The following PCDHA12 variants were observed in gnomAD, a reference collection of about 807,000 sequenced individuals.
PCDHA12 encodes the protein protocadherin alpha 12, also known as protocadherin alpha-12.
Under a neutral mutation model 60.0 loss-of-function variants are expected in PCDHA12, and 44 were observed. The ratio of observed to expected loss-of-function variants is 0.73; its 90% confidence interval spans 0.58 to 0.94. PCDHA12 has a LOEUF of 0.94. Ranked by LOEUF, PCDHA12 falls within the 40% of genes least tolerant of loss-of-function variation. The pLI is 0.00. For synonymous variants in PCDHA12, 569 were observed against 553.0 expected, an observed-to-expected ratio of 1.03 and a Z score of -0.40; for missense variants, 1,276 against 1,239.7, an observed-to-expected ratio of 1.03 and a Z score of -0.44.
chr5:140,967,908 A>G (rs554849478), intron 1 of PCDHA12: 5 of 1,614,138 alleles, frequency 3.1e-6, no homozygotes, highest in East Asian at 2.2e-5. Flanking sequence ...GCTACACCCA[A>G]CACCATTGTG....
At chr5:140,891,025 T>G (rs1554184622) in intron 1 of PCDHA12, among the ~76,000 whole-genome samples, 1 of 151,814 alleles carries the variant, frequency 6.6e-6, no homozygotes, top group African/African-American at 2.4e-5. Flanking sequence ...TCTGAGGGTA[T>G]AATCTTAGGT....
chr5:140,928,276 GC>G, intron 1 of PCDHA12: 1 of 1,614,172 alleles, frequency 6.2e-7, no homozygotes. Flanking sequence ...TGGCCCTGGG[GC>G]CTCTCTAGGC....
At chr5:140,988,963 G>A (rs1273293184) in intron 3 of PCDHA12, 2 of 152,140 alleles carry the variant, frequency 1.3e-5, no homozygotes, top group African/African-American at 4.8e-5. Flanking sequence ...CAAGCCCCAC[G>A]ATGGAGAGAA....
At chr5:140,968,540 G>A (rs1554230842) in intron 1 of PCDHA12, 8 of 1,614,064 alleles carry the variant, frequency 5.0e-6, no homozygotes, top group Non-Finnish European at 1.7e-6. Context: ...AGCAGCCTTC[G>A]AGATGGTGCC....
At chr5:140,940,965 A>G (rs2092710706) in intron 1 of PCDHA12, among the ~76,000 whole-genome samples, 1 of 152,226 alleles carries the variant, frequency 6.6e-6, no homozygotes, top group Admixed American at 6.5e-5. Context: ...AATATGCAGG[A>G]TATCTGGTAT....
chr5:140,900,882 A>G (rs1453854297), intron 1 of PCDHA12, among the ~76,000 whole-genome samples: 1 of 152,044 alleles, frequency 6.6e-6, no homozygotes, highest in African/African-American at 2.4e-5. Flanking sequence ...ATTGCCTGTC[A>G]TTTGGATAAA....
intron 3 of PCDHA12, among the ~76,000 whole-genome samples, chr5:140,999,132 T>TC (rs2153955890): frequency 6.6e-6 from 1 of 152,278 alleles, no homozygotes; most frequent in African/African-American, 2.4e-5. Context: ...CTGGAAAATG[T>TC]CACAGCCGGA....
At chr5:140,939,603 CAG>C (rs2092419919) in intron 1 of PCDHA12, among the ~76,000 whole-genome samples, 2 of 152,068 alleles carry the variant, frequency 1.3e-5, no homozygotes, top group Non-Finnish European at 2.9e-5. Flanking sequence ...TGCTCAAAAA[CAG>C]AACAAGGAGA....
rs1554178111 is a variant in PCDHA12 at position 140,883,417 on chromosome 5, A to G, written c.2367+5578A>G. On this transcript the variant is annotated intron_variant, in intron 1 of 3. Transcript: ENST00000398631. Reference sequence around the variant, plus strand: ...CCGATCGTGACTCTGGCTCAAATGGACAGGTCACCTGCACCTTGACGCCGC... The same window carrying G: ...CCGATCGTGACTCTGGCTCAAATGGGCAGGTCACCTGCACCTTGACGCCGC... 3.1e-6 allele frequency: 5 copies of G among 1,614,146 alleles called. No homozygotes were observed. The South Asian group carries it at 5.5e-5, about 18-fold the overall frequency.
chr5:141,011,852 A>T lies in PCDHA12; in HGVS notation c.*1915A>T, dbSNP rs1288551420. 1 of 153,718 alleles carries T rather than the reference A, an allele frequency of 6.5e-6. No individual in the cohort carries two copies. The highest frequency in any genetic ancestry group is 1.5e-5 in the Non-Finnish European group (1 of 68,038). 9.5% of individuals were successfully genotyped at this position (153,718 alleles called of 1,614,324 possible). A position where few individuals can be genotyped will look rare whatever the true frequency, so the allele number is the denominator to read the frequency against. ...CTGTCACCTTAAATAAGACATTTTA[A>T]TTTTGTTATAATGTACAATTTAGAA... On this transcript the variant is annotated 3_prime_UTR_variant, in exon 4 of 4. Transcript: ENST00000398631.
intron 1 of PCDHA12, among the ~76,000 whole-genome samples, chr5:140,946,434 T>C (rs1554217579): frequency 2.0e-5 from 3 of 151,312 alleles, no homozygotes; most frequent in South Asian, 2.1e-4. Context: ...TACTCAAAAA[T>C]TGAGACTAAA....
chr5:140,976,453 G>A (rs1554237653), intron 1 of PCDHA12, among the ~76,000 whole-genome samples: 1 of 152,032 alleles, frequency 6.6e-6, no homozygotes, highest in Admixed American at 6.6e-5. Flanking sequence ...AGGGAGGCTG[G>A]GGAAGAAGAA....
chr5:140,910,387 T>G (rs540534807), intron 1 of PCDHA12, among the ~76,000 whole-genome samples: 3 of 152,276 alleles, frequency 2.0e-5, no homozygotes, highest in Admixed American at 6.5e-5. Context: ...CCTTTGACAG[T>G]TGACTGGCCC....
intron 3 of PCDHA12, among the ~76,000 whole-genome samples, chr5:141,000,409 ATATATATATATATTT>A (rs2097918498): frequency 1.1e-5 from 1 of 94,040 alleles, no homozygotes; most frequent in East Asian, 3.1e-4. Flanking sequence ...ATATATATAT[ATATATATATATATTT>A]TTTTTTTTTT....
At chr5:141,005,956 A>G (rs1272905916) in intron 3 of PCDHA12, among the ~76,000 whole-genome samples, 2 of 152,020 alleles carry the variant, frequency 1.3e-5, no homozygotes, top group Admixed American at 1.3e-4. Flanking sequence ...CTAACAAACA[A>G]CAATAAAAAA....
At chr5:140,887,376 G>A (rs1169212781) in intron 1 of PCDHA12, among the ~76,000 whole-genome samples, 1 of 152,158 alleles carries the variant, frequency 6.6e-6, no homozygotes, top group Non-Finnish European at 1.5e-5. Context: ...GATTACAGGT[G>A]TGAGCCACCG....
chr5:140,962,619 T>C (rs1405135656), intron 1 of PCDHA12, among the ~76,000 whole-genome samples: 1 of 152,212 alleles, frequency 6.6e-6, no homozygotes, highest in East Asian at 1.9e-4. Context: ...GGAAGGGAGA[T>C]GTGAAAAAAT....
chr5:140,933,586 T>A (rs1474110331), intron 1 of PCDHA12, among the ~76,000 whole-genome samples: 1 of 152,108 alleles, frequency 6.6e-6, no homozygotes, highest in Non-Finnish European at 1.5e-5. Flanking sequence ...AGTGGGTTTT[T>A]AGGTTGATTT....
At chr5:140,955,623 T>C (rs2095210763) in intron 1 of PCDHA12, among the ~76,000 whole-genome samples, 1 of 152,208 alleles carries the variant, frequency 6.6e-6, no homozygotes, top group Non-Finnish European at 1.5e-5. Context: ...GGCAGTTCTT[T>C]ATAGCAGTGT....
Sources: allele counts gnomAD v4.1 joint callset (sites outside exome capture counted in the v4.1 genomes callset), GRCh38; gene constraint gnomAD v4.1.1; transcripts MANE v1.5; gene names NCBI Gene and HGNC (gene_info 2026-07-23, HGNC 2026-07-21).